The following JAG1 variants were observed in gnomAD, a reference collection of about 807,000 sequenced individuals.
JAG1 encodes the protein jagged canonical Notch ligand 1.
JAG1 carries 23 observed loss-of-function variants against 148.7 expected under a neutral mutation model. The observed-to-expected ratio is 0.15, with a 90% CI of 0.11 to 0.22. JAG1 has a LOEUF of 0.22. Ranked by LOEUF, JAG1 falls within the 10% of genes least tolerant of loss-of-function variation. The pLI is 1.00. For synonymous variants in JAG1, 572 were observed against 598.3 expected (o/e 0.96, Z 0.64); for missense variants, 1,054 against 1,611.2 (o/e 0.65, Z 5.92).
rs2067507927 is a variant in JAG1 at position 10,672,964 on chromosome 20, T to G, written c.124A>C (p.Met42Leu). 1 of 1,612,306 alleles carries G rather than the reference T, an allele frequency of 6.2e-7. No homozygotes were observed. The highest frequency in any genetic ancestry group is 8.5e-7 in the Non-Finnish European group (1 of 1,180,010). ...TGCAGCTCCCCGTTCACGTTCTGCA[T>G]GGACAGGATCTCCAACTCGAACTGA... ...SGQFELEILS[M>L]QNVNGELQNG... The change falls in exon 2 of 26, where the codon ATG becomes CTG. Residue 42 changes from methionine to leucine, a missense_variant. Around this residue, in one of 6 missense-constraint regions of JAG1, gnomAD observed 151 missense variants for 211.1 expected, o/e 0.72. Coordinates refer to ENST00000254958, the MANE Select transcript of JAG1 (RefSeq NM_000214.3).
intron 6 of JAG1, 25 bp from the exon 7 acceptor site, chr20:10,652,275 TAA>T: frequency 6.2e-7 from 1 of 1,613,538 alleles, no homozygotes; most frequent in Non-Finnish European, 8.5e-7. Flanking sequence ...CTGGAGTCAC[TAA>T]GAGACGCCTG....
intron 25 of JAG1, among the ~76,000 whole-genome samples, chr20:10,640,373 G>A (rs1250901688): frequency 1.3e-5 from 2 of 148,454 alleles, no homozygotes; most frequent in Non-Finnish European, 3.0e-5. Flanking sequence ...AACGGTGCTC[G>A]AGATCCTCAG....
At chr20:10,664,119 G>A in intron 2 of JAG1, 105 bp from the exon 3 acceptor site, 3 of 892,690 alleles carry the variant, frequency 3.4e-6, no homozygotes, top group Non-Finnish European at 5.7e-6. Flanking sequence ...AAACCATAAT[G>A]CCAAAATAAA....
chr20:10,656,309 G>A (rs2067378740), intron 5 of JAG1, 89 bp downstream of exon 5: 2 of 1,077,940 alleles, frequency 1.9e-6, no homozygotes, highest in Non-Finnish European at 2.9e-6. Context: ...GTTCTCCAAG[G>A]AAAAAAGAGG....
At chr20:10,654,440 T>C (rs561341253) in intron 5 of JAG1, among the ~76,000 whole-genome samples, 14 of 152,220 alleles carry the variant, frequency 9.2e-5, no homozygotes, top group Non-Finnish European at 1.8e-4. Context: ...TTTGATATTA[T>C]TGGCAGGCTT....
intron 2 of JAG1, among the ~76,000 whole-genome samples, chr20:10,667,930 A>C (rs1047562701): frequency 1.3e-5 from 2 of 152,144 alleles, no homozygotes; most frequent in Admixed American, 1.3e-4. Flanking sequence ...CTGAACAAGA[A>C]GCCTTTCTGT....
intron 4 of JAG1, among the ~76,000 whole-genome samples, chr20:10,657,947 G>C (rs2067389170): frequency 6.6e-6 from 1 of 152,192 alleles, no homozygotes; most frequent in South Asian, 2.1e-4. Flanking sequence ...ATCTATTTTG[G>C]GTCAAGTTCC....
At chr20:10,664,084 G>T in intron 2 of JAG1, 70 bp from the exon 3 acceptor site, 1 of 1,274,160 alleles carries the variant, frequency 7.8e-7, no homozygotes, top group Non-Finnish European at 1.1e-6. Context: ...TACATTCTTG[G>T]CCTCCCAGAA....
At chr20:10,640,495 C>T (rs1476516702) in intron 25 of JAG1, among the ~76,000 whole-genome samples, 1 of 152,224 alleles carries the variant, frequency 6.6e-6, no homozygotes, top group Non-Finnish European at 1.5e-5. Context: ...GCTTCAAACT[C>T]AAGGACAAAG....
intron 3 of JAG1, among the ~76,000 whole-genome samples, chr20:10,663,115 A>G (rs1329724125): frequency 6.6e-6 from 1 of 152,208 alleles, no homozygotes; most frequent in Non-Finnish European, 1.5e-5. Context: ...ATAGAAAAGC[A>G]AAAAGTACAA....
intron 19 of JAG1, among the ~76,000 whole-genome samples, chr20:10,644,139 A>G (rs1013781677): frequency 1.3e-5 from 2 of 152,192 alleles, no homozygotes; most frequent in Non-Finnish European, 2.9e-5. Flanking sequence ...ATGAGGACAC[A>G]ACCTGGCTAA....
At position 10,673,336 on chromosome 20, in the gene JAG1, C is replaced by T; in HGVS notation, c.81+114G>A. 1 of 809,842 alleles carries T rather than the reference C, an allele frequency of 1.2e-6. No homozygotes were observed. Among genetic ancestry groups the T allele is most frequent in the Non-Finnish European group, 1.9e-6 (1 of 523,930 alleles). 50.2% of individuals were successfully genotyped at this position (809,842 alleles called of 1,614,324 possible). A position where few individuals can be genotyped will look rare whatever the true frequency, so the allele number is the denominator to read the frequency against. On this transcript the variant is annotated intron_variant, in intron 1 of 25. Transcript: ENST00000254958. This position sits in a 1 kb window ranked among gnomAD's most constrained non-coding sequence, Gnocchi z 4.7. ...AGGTGCAGCCGCTCGGGCGCAGGGG[C>T]GAGGAGTCGGGCGCTCGAGGGCTGC...
rs1424822533 is a variant in JAG1, at chr20:10,672,898, G to A, written c.190C>T (p.Arg64Cys). The change falls in exon 2 of 26, where the codon CGC becomes TGC. Residue 64 changes from arginine (R) to cysteine (C), a missense_variant. Around this residue, in one of 6 missense-constraint regions of JAG1, gnomAD observed 151 missense variants for 211.1 expected, o/e 0.72. Coordinates refer to ENST00000254958, the MANE Select transcript of JAG1 (RefSeq NM_000214.3). ...CCGGARNPGD[R>C]KCTRDECDTY... ...TCACACTCGTCGCGGGTGCACTTGC[G>A]GTCTCCCGGGTTCCGGGCGCCGCCG... is the stretch of plus-strand genomic sequence containing the variant. The A allele has an allele frequency of 6.2e-7, 1 of 1,613,204 alleles. No individual in the cohort carries two copies. The highest frequency in any genetic ancestry group is 8.5e-7 in the Non-Finnish European group (1 of 1,180,032).
chr20:10,671,000 A>G (rs1245640910), intron 2 of JAG1, among the ~76,000 whole-genome samples: 1 of 152,206 alleles, frequency 6.6e-6, no homozygotes, highest in Non-Finnish European at 1.5e-5. Context: ...CATGTTAGCC[A>G]TCCCTCTGAC....
chr20:10,672,298 C>T (rs571517898), intron 2 of JAG1, among the ~76,000 whole-genome samples: 10 of 152,296 alleles, frequency 6.6e-5, no homozygotes, highest in Admixed American at 2.0e-4. Flanking sequence ...CGTTCGCAGG[C>T]CAGAACTGCG....
At chr20:10,672,639 C>G in intron 2 of JAG1, 62 bp downstream of exon 2, 1 of 1,532,076 alleles carries the variant, frequency 6.5e-7, no homozygotes. Flanking sequence ...CAAGGGATAA[C>G]AGGGCTCGGC....
In JAG1 at chr20:10,643,865, T is replaced by C; in HGVS notation, c.2373-2A>G. The C allele has an allele frequency of 6.2e-7, 1 of 1,613,168 alleles. No individual in the cohort carries two copies. The highest frequency in any genetic ancestry group is 8.5e-7 in the Non-Finnish European group (1 of 1,179,334). ...TCCACACAGGTGCCGCTGTTGTAACTAAGAAAGCAAAGACCACCTTGGTTA... is the reference window on the plus strand; with the variant it reads ...TCCACACAGGTGCCGCTGTTGTAACCAAGAAAGCAAAGACCACCTTGGTTA... On this transcript the variant is annotated splice_acceptor_variant, in intron 19 of 25. Coordinates refer to ENST00000254958, the MANE Select transcript of JAG1 (RefSeq NM_000214.3). LOFTEE classifies it high-confidence loss of function.
chr20:10,656,076 C>CT (rs1428130811), intron 5 of JAG1, among the ~76,000 whole-genome samples: 1 of 152,186 alleles, frequency 6.6e-6, no homozygotes, highest in East Asian at 1.9e-4. Context: ...CGCAAAGAAA[C>CT]AAGCCCACAT....
At position 10,652,208 on chromosome 20, in the gene JAG1, C is replaced by T; in HGVS notation, c.929G>A (p.Gly310Glu). 1 of 1,613,954 alleles carries T rather than the reference C, an allele frequency of 6.2e-7. No homozygotes were observed. ...CGTHQPCLNG[G>E]TCSNTGPDKY... ...GTCAGGGCCTGTGTTGCTACAAGTT[C>T]CCCCGTTGAGACACGGCTGATGAGT... The change falls in exon 7 of 26, where the codon GGA becomes GAA. Residue 310 changes from glycine to glutamate, a missense_variant. Gly to Glu is a moderately conservative substitution (Grantham distance 98). Around this residue, in one of 6 missense-constraint regions of JAG1, gnomAD observed 104 missense variants for 235.2 expected, o/e 0.44. Transcript: ENST00000254958.
Sources: gnomAD v4.1 joint callset for allele counts (sites outside exome capture counted in the v4.1 genomes callset) on GRCh38, gnomAD v4.1.1 for gene constraint, gnomAD v4.1.1 regional missense constraint, Gnocchi (gnomAD v3.1) non-coding constraint, MANE v1.5 for transcripts, NCBI Gene and HGNC (gene_info 2026-07-23, HGNC 2026-07-21) for gene names.